Variants in IL31RA observed in about 807,000 individuals in gnomAD.
The protein encoded by IL31RA is interleukin 31 receptor A.
A neutral mutation model predicts 83.7 loss-of-function variants in IL31RA; 66 were observed. That is an observed-to-expected ratio of 0.79 (90% confidence interval 0.65 to 0.97). The LOEUF (loss-of-function observed/expected upper bound fraction) is 0.97. Ranked by LOEUF, IL31RA falls within the 50% of genes least tolerant of loss-of-function variation. The pLI, the probability that IL31RA is intolerant of heterozygous loss-of-function variation, is 0.00. For missense variants in IL31RA, 798 were observed against 919.4 expected, an observed-to-expected ratio of 0.87 and a Z score of 1.71; for synonymous variants, 325 against 329.0, an observed-to-expected ratio of 0.99 and a Z score of 0.13.
Position 55,896,339 on chromosome 5 carries a change from G to A in IL31RA, c.773-11G>A, listed in dbSNP as rs763882952. 6.2e-7 allele frequency: 1 copy of A among 1,603,538 alleles called. No individual in the cohort carries two copies. Among genetic ancestry groups the A allele is most frequent in the Non-Finnish European group, 8.5e-7 (1 of 1,170,554 alleles). ...TCTCTGGGTTGAGTACCTCATTCTT[G>A]TTCCTTACAGCTCCATGTGGCCTGG... On this transcript the variant is annotated splice_polypyrimidine_tract_variant and intron_variant, in intron 6 of 14. Transcript: ENST00000652347.
chr5:55,867,304 CGTGTGTGTGT>C (rs70995742), intron 2 of IL31RA, among the ~76,000 whole-genome samples: 3 of 118,190 alleles, frequency 2.5e-5, no homozygotes, highest in Non-Finnish European at 5.0e-5. Context: ...TGTGTGTGTG[CGTGTGTGTGT>C]GTGCGTGTGT....
At chr5:55,883,390 G>C (rs1747382899) in intron 5 of IL31RA, among the ~76,000 whole-genome samples, 195 bp downstream of exon 5, 1 of 152,044 alleles carries the variant, frequency 6.6e-6, no homozygotes, top group African/African-American at 2.4e-5. Flanking sequence ...TCTACAATAG[G>C]CATTTTTGCC....
chr5:55,890,022 T>G lies in IL31RA; in HGVS notation c.659T>G (p.Leu220Arg), dbSNP rs1747886100. The G allele has an allele frequency of 5.0e-6, 8 of 1,613,844 alleles. No homozygotes were observed. Among genetic ancestry groups the G allele is most frequent in the Non-Finnish European group, 5.1e-6 (6 of 1,179,910 alleles). Residue 220 changes from leucine (L) to arginine (R), a missense_variant, in exon 6 of 15, where the codon CTC becomes CGC. Transcript: ENST00000652347. ...NRKDKNQTYNLTGLQPFTEYV... is the reference protein window; with the variant it reads ...NRKDKNQTYNRTGLQPFTEYV... Reference sequence around the variant, plus strand: ...AAGGATAAAAACCAAACGTACAACCTCACGGGGCTGCAGCCTTTTACAGAA... The same window carrying G: ...AAGGATAAAAACCAAACGTACAACCGCACGGGGCTGCAGCCTTTTACAGAA...
At chr5:55,852,619 G>A (rs1393128167) in intron 1 of IL31RA, among the ~76,000 whole-genome samples, 1 of 152,206 alleles carries the variant, frequency 6.6e-6, no homozygotes, top group African/African-American at 2.4e-5. Context: ...AGCATAGCTT[G>A]TTTTAAAACT....
intron 5 of IL31RA, among the ~76,000 whole-genome samples, chr5:55,887,599 G>A (rs1352748845): frequency 3.3e-5 from 5 of 151,494 alleles, no homozygotes; most frequent in Non-Finnish European, 5.9e-5. Flanking sequence ...AAAATTAGCC[G>A]GGAATGGCCG....
chr5:55,880,901 C>G (rs1196291770), intron 4 of IL31RA, among the ~76,000 whole-genome samples: 4 of 152,220 alleles, frequency 2.6e-5, no homozygotes, highest in African/African-American at 9.6e-5. Context: ...CCGTATGGGT[C>G]TGCAGCAACC....
chr5:55,845,953 A>G, the IL31RA span, among the ~76,000 whole-genome samples: 1 of 152,204 alleles, frequency 6.6e-6, no homozygotes, highest in African/African-American at 2.4e-5. Context: ...TCCTGTAGGT[A>G]AAACTCACAA....
the IL31RA span, among the ~76,000 whole-genome samples, chr5:55,841,695 C>A: frequency 6.1e-4 from 93 of 152,308 alleles, no homozygotes; most frequent in Non-Finnish European, 1.6e-4. Context: ...GTTTCACATT[C>A]CCATGTGAGA....
chr5:55,871,035 A>T (rs1746474500), intron 3 of IL31RA, among the ~76,000 whole-genome samples: 1 of 152,260 alleles, frequency 6.6e-6, no homozygotes, highest in Admixed American at 6.5e-5. Flanking sequence ...TGGACATTTT[A>T]AAAGTGCCTT....
chr5:55,849,867 G>A (rs960187197), upstream of IL31RA, among the ~76,000 whole-genome samples: 3 of 152,094 alleles, frequency 2.0e-5, no homozygotes, highest in African/African-American at 7.2e-5. Flanking sequence ...TGTTTTTGTA[G>A]TCACTTTTTT....
In IL31RA at chr5:55,851,600, C is replaced by T. The variant is rs781403972; in HGVS notation, c.30C>T (p.Thr10=). ...GCATCAGGCAACTCAAGTTTTTCAC[C>T]ACGGCATGTGTCTGTGAATGTCCGC... The part of the protein sequence containing the change: MCIRQLKFF[T]TACVCECPQN... The change falls in exon 1 of 15, where the codon ACC becomes ACT. Residue 10 remains threonine, a synonymous_variant. Coordinates refer to ENST00000652347, the MANE Select transcript of IL31RA (RefSeq NM_139017.7). 1.9e-6 allele frequency: 3 copies of T among 1,613,868 alleles called. No individual in the cohort carries two copies. The highest frequency in any genetic ancestry group is 1.1e-5 in the South Asian group (1 of 91,064).
chr5:55,862,780 T>A (rs990915395), intron 2 of IL31RA, among the ~76,000 whole-genome samples: 1 of 152,218 alleles, frequency 6.6e-6, no homozygotes, highest in Non-Finnish European at 1.5e-5. Flanking sequence ...CTCCTTGGTC[T>A]CTGCCGGTCT....
chr5:55,866,111 G>A lies in IL31RA; in HGVS notation c.155-2680G>A, dbSNP rs73116466. ...TCATCCTCATCCCAGGCCTGGTCCCGTCTCACAGCTGTATCCTCGCCCCTG... is the reference window on the plus strand; with the variant it reads ...TCATCCTCATCCCAGGCCTGGTCCCATCTCACAGCTGTATCCTCGCCCCTG... On this transcript the variant is annotated intron_variant, in intron 2 of 14. Coordinates refer to ENST00000652347, the MANE Select transcript of IL31RA (RefSeq NM_139017.7). Among the ~76,000 whole-genome samples the A allele has an allele frequency of 4.4e-3, 666 of 152,226 alleles. 8 individuals carry two copies. Among genetic ancestry groups the A allele is most frequent in the African/African-American group, 0.015 (640 of 41,500 alleles).
At position 55,919,906 on chromosome 5, in the gene IL31RA, G is replaced by C. The variant is rs530430551; in HGVS notation, c.*2786G>C. Among the ~76,000 whole-genome samples, 90 of 152,350 alleles carry C rather than the reference G, an allele frequency of 5.9e-4. 2 individuals are homozygous for C. The South Asian group carries it at 0.018, about 31-fold the overall frequency. On this transcript the variant is annotated 3_prime_UTR_variant, in exon 15 of 15. Coordinates refer to ENST00000652347, the MANE Select transcript of IL31RA (RefSeq NM_139017.7). ...GCCATCTGTGTTTTCCCTGTTTACT[G>C]TCAGAGACATTGTGAGGACACAAAC...
Position 55,918,171 on chromosome 5 carries a change from A to C in IL31RA, c.*1051A>C, listed in dbSNP as rs1749895932. Among the ~76,000 whole-genome samples the C allele has an allele frequency of 6.6e-6, 1 of 152,186 alleles. No homozygotes were observed. Among genetic ancestry groups the C allele is most frequent in the Non-Finnish European group, 1.5e-5 (1 of 68,028 alleles). On this transcript the variant is annotated 3_prime_UTR_variant, in exon 15 of 15. Transcript: ENST00000652347. ...CTGGGCTCCTCCTGTAACTATAGTG[A>C]CAGAGTCAGCTGTGACTCCCTTGAC...
rs1443069393 is a variant in IL31RA, at chr5:55,916,953, G to A, written c.2128G>A (p.Gly710Arg). Reference protein sequence around the residue: ...SQYLRSRMPEGTRPEAKEQLL... With the variant: ...SQYLRSRMPERTRPEAKEQLL... ...ATACCTACGTTCGAGGATGCCAGAG[G>A]GGACCCGCCCAGAAGCCAAAGAGCA... Residue 710 changes from glycine to arginine, a missense_variant, in exon 15 of 15, where the codon GGG (glycine) becomes AGG (arginine). Coordinates refer to ENST00000652347, the MANE Select transcript of IL31RA (RefSeq NM_139017.7). 1 of 1,613,880 alleles carries A rather than the reference G, an allele frequency of 6.2e-7. No homozygotes were observed. The highest frequency in any genetic ancestry group is 1.1e-5 in the South Asian group (1 of 91,078).
the IL31RA span, among the ~76,000 whole-genome samples, chr5:55,842,499 G>T: frequency 6.6e-6 from 1 of 152,156 alleles, no homozygotes; most frequent in Non-Finnish European, 1.5e-5. Context: ...AGGAATACTT[G>T]TCACTTTATC....
chr5:55,853,924 C>T (rs1580641585), intron 1 of IL31RA, among the ~76,000 whole-genome samples: 2 of 152,170 alleles, frequency 1.3e-5, no homozygotes, highest in South Asian at 4.1e-4. Flanking sequence ...GAGTAAATCA[C>T]TAATAGCTAC....
chr5:55,848,217 C>G (rs1017731487), upstream of IL31RA, among the ~76,000 whole-genome samples: 15 of 152,300 alleles, frequency 9.8e-5, no homozygotes, highest in Admixed American at 7.8e-4. Flanking sequence ...ACTTCATTCA[C>G]TTCTTAAAGA....
Sources: allele counts gnomAD v4.1 joint callset (sites outside exome capture counted in the v4.1 genomes callset), GRCh38; gene constraint gnomAD v4.1.1; transcripts MANE v1.5; gene names NCBI Gene and HGNC (gene_info 2026-07-23, HGNC 2026-07-21).